ITPK1: variants seen among roughly 807,000 people sequenced by gnomAD.
The protein encoded by ITPK1 is inositol-tetrakisphosphate 1-kinase, also known as inositol 1,3,4-trisphosphate 5/6-kinase.
ITPK1 carries 21 observed loss-of-function variants against 45.3 expected under a neutral mutation model. That is an observed-to-expected ratio of 0.46 (90% CI 0.33 to 0.67). The LOEUF is 0.67. Ranked by LOEUF, ITPK1 falls within the 30% of genes least tolerant of loss-of-function variation. The pLI is 0.02. For missense variants in ITPK1, 474 were observed against 573.5 expected (o/e 0.83, Z 1.77); for synonymous variants, 258 against 253.6 (o/e 1.02, Z -0.16).
intron 9 of ITPK1, among the ~76,000 whole-genome samples, chr14:92,951,536 A>G (rs1887953995): frequency 6.6e-6 from 1 of 152,196 alleles, no homozygotes; most frequent in Non-Finnish European, 1.5e-5. Context: ...TGCCAGCCTC[A>G]GGACCACTGC....
chr14:92,962,750 C>G lies in ITPK1; in HGVS notation c.463+1G>C. 1 of 1,610,794 alleles carries G rather than the reference C, an allele frequency of 6.2e-7. No individual in the cohort carries two copies. The highest frequency in any genetic ancestry group is 8.5e-7 in the Non-Finnish European group (1 of 1,177,026). Reference sequence around the variant, plus strand: ...TCAGGTGGAGCTGGGATGGTACGCACTGAATGGGAAAGTCAAGCCGTTCTT... The same window carrying G: ...TCAGGTGGAGCTGGGATGGTACGCAGTGAATGGGAAAGTCAAGCCGTTCTT... On this transcript the variant is annotated splice_donor_variant, in intron 6 of 10. Coordinates refer to ENST00000267615, the MANE Select transcript of ITPK1 (RefSeq NM_014216.6). LOFTEE classifies it high-confidence loss of function.
intron 3 of ITPK1, among the ~76,000 whole-genome samples, chr14:93,060,197 A>G (rs551455255): frequency 6.6e-6 from 1 of 152,254 alleles, no homozygotes; most frequent in East Asian, 1.9e-4. Flanking sequence ...CGGCCCAAGA[A>G]GCAGAACAGC....
chr14:93,032,052 A>G lies in ITPK1; in HGVS notation c.121-15251T>C, dbSNP rs1435244069. Among the ~76,000 whole-genome samples, 1 of 152,222 alleles carries G rather than the reference A, an allele frequency of 6.6e-6. No individual in the cohort carries two copies. Among genetic ancestry groups the G allele is most frequent in the Non-Finnish European group, 1.5e-5 (1 of 68,038 alleles). On this transcript the variant is annotated intron_variant, in intron 3 of 10. Transcript: ENST00000267615. This position sits in a 1 kb window ranked among gnomAD's most constrained non-coding sequence, Gnocchi z 4.0. The stretch of plus-strand genomic sequence containing the variant: ...GCAGTTTTCCAAACTGGTATTTGAT[A>G]TAATAGTAACAAAGCAGCCGGGTGC...
rs2281512 is a variant in ITPK1 at position 92,937,803 on chromosome 14, C to T, written c.*3758G>A. 8,998 of 152,656 alleles carry T rather than the reference C, an allele frequency of 0.059. 409 individuals carry two copies. Among genetic ancestry groups the T allele is most frequent in the East Asian group, 0.24 (1,255 of 5,176 alleles). The allele number at this position is 152,656 out of a possible 1,614,324, so 9.5% of individuals were successfully genotyped here. ...GCTGGGCCTTTGTCAAGGACAGCTG[C>T]ACTTCTCTGCCTCCCGGTCACCAGG... On this transcript the variant is annotated 3_prime_UTR_variant, in exon 11 of 11. Coordinates refer to ENST00000267615, the MANE Select transcript of ITPK1 (RefSeq NM_014216.6).
At chr14:93,021,378 G>T (rs949304769) in intron 3 of ITPK1, among the ~76,000 whole-genome samples, 1 of 152,204 alleles carries the variant, frequency 6.6e-6, no homozygotes, top group South Asian at 2.1e-4. Flanking sequence ...GATCACTTGA[G>T]GTCAGGAGTT....
intron 3 of ITPK1, among the ~76,000 whole-genome samples, chr14:93,048,963 C>T (rs1889899155): frequency 6.6e-6 from 1 of 152,200 alleles, no homozygotes; most frequent in South Asian, 2.1e-4. Context: ...AAAAGAAACA[C>T]TCTCTCCAGT....
intron 4 of ITPK1, among the ~76,000 whole-genome samples, chr14:93,010,315 C>A (rs1795696084): frequency 1.3e-5 from 2 of 152,258 alleles, no homozygotes; most frequent in South Asian, 4.1e-4. Flanking sequence ...CATCCCTGTG[C>A]TGGCGACTGC....
intron 4 of ITPK1, among the ~76,000 whole-genome samples, chr14:92,995,922 A>T (rs1887032070): frequency 6.6e-6 from 1 of 152,130 alleles, no homozygotes; most frequent in Admixed American, 6.5e-5. Flanking sequence ...CCTACACCTG[A>T]TCCCTCGTCT....
chr14:93,093,302 C>T (rs1195796488), intron 2 of ITPK1, among the ~76,000 whole-genome samples: 1 of 152,232 alleles, frequency 6.6e-6, no homozygotes, highest in Admixed American at 6.5e-5. Flanking sequence ...CTGTGGAGCC[C>T]AGCTCTCTGC....
chr14:92,998,591 T>C (rs777225262), intron 4 of ITPK1, among the ~76,000 whole-genome samples: 1 of 152,218 alleles, frequency 6.6e-6, no homozygotes, highest in Non-Finnish European at 1.5e-5. Flanking sequence ...CTGCAGCTGC[T>C]GACGCATGAG....
intron 7 of ITPK1, among the ~76,000 whole-genome samples, chr14:92,961,440 GA>G (rs1885065552): frequency 6.6e-6 from 1 of 152,232 alleles, no homozygotes; most frequent in Admixed American, 6.5e-5. Flanking sequence ...ATCATAGAGT[GA>G]ATAAAAGAAT....
At chr14:93,042,629 G>A (rs1889604267) in intron 3 of ITPK1, among the ~76,000 whole-genome samples, 1 of 152,214 alleles carries the variant, frequency 6.6e-6, no homozygotes, top group Non-Finnish European at 1.5e-5. Flanking sequence ...GGCCTGACAG[G>A]GCACTGGGGC....
rs10150483 is a variant in ITPK1, at chr14:92,937,062, A to C, written c.*4499T>G. ...AGACTAGTTAGCAAATACAGAGATC[A>C]TAGCGACACCTTGTCCCTGAAACCA... On this transcript the variant is annotated 3_prime_UTR_variant, in exon 11 of 11. Coordinates refer to ENST00000267615, the MANE Select transcript of ITPK1 (RefSeq NM_014216.6). The C allele has an allele frequency of 0.24, 37,124 of 152,282 alleles. 4,760 individuals carry two copies. The highest frequency in any genetic ancestry group is 0.4 in the Middle Eastern group (119 of 294). 9.4% of individuals were successfully genotyped at this position (152,282 alleles called of 1,614,324 possible). A position where few individuals can be genotyped will look rare whatever the true frequency, so the allele number is the denominator to read the frequency against.
chr14:92,952,159 C>T (rs1437348120), intron 8 of ITPK1, 146 bp from the exon 9 acceptor site: 2 of 675,484 alleles, frequency 3.0e-6, no homozygotes, highest in Non-Finnish European at 5.3e-6. Context: ...GCAAGCTGGG[C>T]ACCAGCCCTG....
chr14:92,943,436 G>A (rs1250384732), intron 10 of ITPK1, among the ~76,000 whole-genome samples: 2 of 152,232 alleles, frequency 1.3e-5, no homozygotes, highest in Non-Finnish European at 2.9e-5. Flanking sequence ...ATACCACATG[G>A]TGCCAGGTCC....
At chr14:93,013,532 T>C (rs776636866) in intron 4 of ITPK1, among the ~76,000 whole-genome samples, 1 of 152,004 alleles carries the variant, frequency 6.6e-6, no homozygotes, top group Non-Finnish European at 1.5e-5. Flanking sequence ...GAAATTCATT[T>C]TTCTCCACCC....
chr14:93,075,830 G>T (rs1891198702), intron 3 of ITPK1, among the ~76,000 whole-genome samples: 1 of 151,654 alleles, frequency 6.6e-6, no homozygotes, highest in African/African-American at 2.4e-5. Context: ...GTAAGACAAG[G>T]AGATGGGATG....
At chr14:92,984,082 C>G (rs990685233) in intron 5 of ITPK1, among the ~76,000 whole-genome samples, 1 of 152,144 alleles carries the variant, frequency 6.6e-6, no homozygotes, top group Non-Finnish European at 1.5e-5. Flanking sequence ...AAAAATAATA[C>G]TAAAAGTGCA....
At chr14:93,005,197 T>C (rs1239975177) in intron 4 of ITPK1, among the ~76,000 whole-genome samples, 9 of 152,072 alleles carry the variant, frequency 5.9e-5, no homozygotes, top group Non-Finnish European at 1.0e-4. Context: ...TAGGGGTATG[T>C]GTGCTGGACC....
Sources: gnomAD v4.1 joint callset for allele counts (sites outside exome capture counted in the v4.1 genomes callset) on GRCh38, gnomAD v4.1.1 for gene constraint, Gnocchi (gnomAD v3.1) non-coding constraint, MANE v1.5 for transcripts, NCBI Gene and HGNC (gene_info 2026-07-23, HGNC 2026-07-21) for gene names.